Variants in ARHGEF15 observed in about 807,000 individuals in gnomAD.
ARHGEF15 encodes the protein Rho guanine nucleotide exchange factor 15, also known as Rho guanine nucleotide exchange factor (GEF) 15.
ARHGEF15 carries 58 observed loss-of-function variants against 79.7 expected under a neutral mutation model. The ratio of observed to expected loss-of-function variants is 0.73; its 90% CI spans 0.59 to 0.91. The LOEUF is 0.91. ARHGEF15 is among the 40% of genes least tolerant of loss of function. ARHGEF15 has a pLI of 0.00. For missense variants in ARHGEF15, 1,012 were observed against 1,108.1 expected (o/e 0.91, Z 1.23); for synonymous variants, 442 against 456.0 (o/e 0.97, Z 0.39).
chr17:8,315,327 A>G lies in ARHGEF15; in HGVS notation c.1260+50A>G. 6.2e-7 allele frequency: 1 copy of G among 1,610,880 alleles called. No individual in the cohort carries two copies. Among genetic ancestry groups the G allele is most frequent in the Non-Finnish European group, 8.5e-7 (1 of 1,178,222 alleles). On this transcript the variant is annotated intron_variant, in intron 6 of 15. Coordinates refer to ENST00000361926, the MANE Select transcript of ARHGEF15 (RefSeq NM_173728.4). This position sits in a 1 kb window ranked among gnomAD's most constrained non-coding sequence, Gnocchi z 4.3. Reference sequence around the variant, plus strand: ...GAGGGGGGTGCTGGGGTTGGGCTGCATGGGTCAGGCATAGGGGAGGAGGGC... The same window carrying G: ...GAGGGGGGTGCTGGGGTTGGGCTGCGTGGGTCAGGCATAGGGGAGGAGGGC...
chr17:8,319,828 G>A (rs1468020566), intron 15 of ARHGEF15, among the ~76,000 whole-genome samples: 2 of 151,970 alleles, frequency 1.3e-5, no homozygotes, highest in Non-Finnish European at 2.9e-5. Flanking sequence ...TAGAGATGGG[G>A]TTTCACCATG....
At position 8,314,216 on chromosome 17, in the gene ARHGEF15, C is replaced by T. The variant is rs529851149; in HGVS notation, c.989+661C>T. Among the ~76,000 whole-genome samples the T allele has an allele frequency of 1.6e-4, 24 of 152,170 alleles. 1 individual carries two copies. The South Asian group carries it at 3.9e-3, about 25-fold the overall frequency. ...TTGAGCTTCTATTGCAATTATTGTC[C>T]GAAAATCTATTTGGCAATCATGACC... On this transcript the variant is annotated intron_variant, in intron 4 of 15. Transcript: ENST00000361926.
In ARHGEF15 at chr17:8,312,383, G is replaced by A. The variant is rs763386020; in HGVS notation, c.344G>A (p.Arg115Gln). 22 of 1,609,288 alleles carry A rather than the reference G, an allele frequency of 1.4e-5. No homozygotes were observed. Among genetic ancestry groups the A allele is most frequent in the African/African-American group, 2.7e-5 (2 of 74,642 alleles). ...TCCGCCTCCCCAGAACCTGCTCCCC[G>A]GTCTCCAGTCCCCCCACCCAAGCCG... Reference protein sequence around the residue: ...RRSASPEPAPRSPVPPPKPSG... With the variant: ...RRSASPEPAPQSPVPPPKPSG... The change falls in exon 2 of 16, where the codon CGG becomes CAG. Residue 115 changes from arginine to glutamine, a missense_variant. Arg to Gln is a conservative substitution (Grantham distance 43). This residue lies in a region of ARHGEF15 where 818 missense variants were observed against 882.5 expected (regional missense o/e 0.93). Transcript: ENST00000361926.
Position 8,322,344 on chromosome 17 carries a change from C to T in ARHGEF15, c.*1351C>T, listed in dbSNP as rs1296680917. ...GGCCTCCCCTTCAGCTCAGGCACAG[C>T]AACTTGCCCAGGACTGACACTGTCA... On this transcript the variant is annotated 3_prime_UTR_variant, in exon 16 of 16. Transcript: ENST00000361926. 3 of 152,406 alleles carry T rather than the reference C, an allele frequency of 2.0e-5. No individual in the cohort carries two copies. Among genetic ancestry groups the T allele is most frequent in the African/African-American group, 7.2e-5 (3 of 41,478 alleles). The allele number at this position is 152,406 out of a possible 1,614,324, so 9.4% of individuals were successfully genotyped here. A position where few individuals can be genotyped will look rare whatever the true frequency, so the allele number is the denominator to read the frequency against.
rs1904976210 is a variant in ARHGEF15, at chr17:8,315,704, G to A, written c.1422-51G>A. 1 of 1,597,130 alleles carries A rather than the reference G, an allele frequency of 6.3e-7. No homozygotes were observed. The highest frequency in any genetic ancestry group is 8.5e-7 in the Non-Finnish European group (1 of 1,171,322). On this transcript the variant is annotated intron_variant, in intron 7 of 15. Transcript: ENST00000361926. The surrounding 1 kb of genome is among the most constrained non-coding windows in gnomAD (Gnocchi z 4.3). ...CCCAAACCTTCTCTCAAGAACCCGG[G>A]AGACCTGGCTCTCTGCCCCGCCCCA...
At chr17:8,317,965 A>AGGCTGAGGCAGGAGAATCACTTG (rs1264173444) in intron 9 of ARHGEF15, 1 of 155,072 alleles carries the variant, frequency 6.4e-6, no homozygotes, top group Admixed American at 6.3e-5. Context: ...GCTACTTGGG[A>AGGCTGAGGCAGGAGAATCACTTG]GGCTGAGGCA....
Position 8,319,222 on chromosome 17 carries a change from C to T in ARHGEF15, c.2186+63C>T, listed in dbSNP as rs1277343084. 3.1e-6 allele frequency: 5 copies of T among 1,606,150 alleles called. No homozygotes were observed. The Admixed American group carries it at 6.7e-5, about 22-fold the overall frequency. On this transcript the variant is annotated intron_variant, in intron 13 of 15. Transcript: ENST00000361926. ...CTTATCTGACCTCTCAGACCTCCCC[C>T]ACTTCCCCAGTCTCTCTCTTCTGTG...
rs1042482369 is a variant in ARHGEF15 at position 8,315,741 on chromosome 17, C to T, written c.1422-14C>T. On this transcript the variant is annotated splice_polypyrimidine_tract_variant and intron_variant, in intron 7 of 15. Transcript: ENST00000361926. This position sits in a 1 kb window ranked among gnomAD's most constrained non-coding sequence, Gnocchi z 4.3. Reference sequence around the variant, plus strand: ...TCTGCCCCGCCCCATTGCTTGCTTCCCCAATTCCTTCAGGTTTCTAGCAAC... The same window carrying T: ...TCTGCCCCGCCCCATTGCTTGCTTCTCCAATTCCTTCAGGTTTCTAGCAAC... The T allele has an allele frequency of 1.9e-6, 3 of 1,609,312 alleles. No individual in the cohort carries two copies. Among genetic ancestry groups the T allele is most frequent in the Non-Finnish European group, 2.5e-6 (3 of 1,177,626 alleles).
Position 8,316,057 on chromosome 17 carries a change from T to G in ARHGEF15, c.1613T>G (p.Leu538Arg). 6.2e-7 allele frequency: 1 copy of G among 1,603,894 alleles called. No homozygotes were observed. Among genetic ancestry groups the G allele is most frequent in the Non-Finnish European group, 8.5e-7 (1 of 1,179,628 alleles). ...NVRFSAELRR[L>R]QSLPKCERLP... ...CGCTTCTCCGCCGAGCTGCGCCGGC[T>G]GCAGAGCCTCCCTAAGTGTGAGCGG... Residue 538 changes from leucine (L) to arginine (R), a missense_variant, in exon 9 of 16, where the codon CTG becomes CGG. Physicochemically the swap from Leu to Arg is moderately radical, Grantham distance 102. Coordinates refer to ENST00000361926, the MANE Select transcript of ARHGEF15 (RefSeq NM_173728.4).
chr17:8,314,742 C>CA (rs77491661), intron 4 of ARHGEF15, 164 bp from the exon 5 acceptor site: 22,014 of 296,810 alleles, frequency 0.074, 183 homozygotes, highest in East Asian at 0.13. Flanking sequence ...CTTTCCCCTT[C>CA]AAAAAAAAAA....
chr17:8,320,937 A>C lies in ARHGEF15; in HGVS notation c.2470A>C (p.Arg824=), dbSNP rs1199186111. The C allele has an allele frequency of 6.2e-7, 1 of 1,613,952 alleles. No individual in the cohort carries two copies. The highest frequency in any genetic ancestry group is 1.7e-5 in the Admixed American group (1 of 60,014). ...GAGGAGGCACCTTCGCCAGAACCAGAGGCTTCTCGAGGCTGTTGGATCTTC... is the reference window on the plus strand; with the variant it reads ...GAGGAGGCACCTTCGCCAGAACCAGCGGCTTCTCGAGGCTGTTGGATCTTC... ...ERRRHLRQNQ[R]LLEAVGSSSG... Residue 824 remains arginine (R), a synonymous_variant, in exon 16 of 16, where the codon AGG becomes CGG. Transcript: ENST00000361926.
In ARHGEF15 at chr17:8,315,479, C is replaced by A. The variant is rs1423326166; in HGVS notation, c.1326C>A (p.Thr442=). The change falls in exon 7 of 16, where the codon ACC becomes ACA. Residue 442 remains threonine, a synonymous_variant. Transcript: ENST00000361926. This position sits in a 1 kb window ranked among gnomAD's most constrained non-coding sequence, Gnocchi z 4.3. The stretch of plus-strand genomic sequence containing the variant: ...GCTCCCTGCGGCTGCTGACCGACAC[C>A]TTCGTGCTGAGCCAGGCACTCCGGG... ...YLRSLRLLTD[T]FVLSQALRDT... 1 of 1,613,744 alleles carries A rather than the reference C, an allele frequency of 6.2e-7. No homozygotes were observed. The highest frequency in any genetic ancestry group is 2.2e-5 in the East Asian group (1 of 44,878).
Position 8,315,515 on chromosome 17 carries a change from C to G in ARHGEF15, c.1362C>G (p.Thr454=). 1 of 1,612,552 alleles carries G rather than the reference C, an allele frequency of 6.2e-7. No homozygotes were observed. Among genetic ancestry groups the G allele is most frequent in the Non-Finnish European group, 8.5e-7 (1 of 1,180,014 alleles). The change falls in exon 7 of 16, where the codon ACC becomes ACG. Residue 454 remains threonine (T), a synonymous_variant. Coordinates refer to ENST00000361926, the MANE Select transcript of ARHGEF15 (RefSeq NM_173728.4). The surrounding 1 kb of genome is among the most constrained non-coding windows in gnomAD (Gnocchi z 4.3). ...VLSQALRDTL[T]PRDHHTLFSN... is the part of the protein sequence containing the mutation. Reference sequence around the variant, plus strand: ...GCCAGGCACTCCGGGACACGCTCACCCCCCGTGATCACCACACACTCTTCT... The same window carrying G: ...GCCAGGCACTCCGGGACACGCTCACGCCCCGTGATCACCACACACTCTTCT...
Position 8,321,130 on chromosome 17 carries a change from A to C in ARHGEF15, c.*137A>C. 1 of 1,273,858 alleles carries C rather than the reference A, an allele frequency of 7.9e-7. No individual in the cohort carries two copies. Among genetic ancestry groups the C allele is most frequent in the Non-Finnish European group, 1.1e-6 (1 of 924,094 alleles). 78.9% of individuals were successfully genotyped at this position (1,273,858 alleles called of 1,614,324 possible). A position where few individuals can be genotyped will look rare whatever the true frequency, so the allele number is the denominator to read the frequency against. On this transcript the variant is annotated 3_prime_UTR_variant, in exon 16 of 16. Transcript: ENST00000361926. ...GCAACCATAGAGATCGAGCTTCAGG[A>C]CAGAGCAGCCAATGAAAACGGCCGC...
Position 8,318,357 on chromosome 17 carries a change from G to T in ARHGEF15, c.1705-30G>T. 1 of 1,606,046 alleles carries T rather than the reference G, an allele frequency of 6.2e-7. No individual in the cohort carries two copies. The highest frequency in any genetic ancestry group is 8.5e-7 in the Non-Finnish European group (1 of 1,175,256). On this transcript the variant is annotated intron_variant, in intron 9 of 15. Transcript: ENST00000361926. The surrounding 1 kb of genome is among the most constrained non-coding windows in gnomAD (Gnocchi z 5.0). ...TGAATCCCAGGGCCACAGAGCAGGG[G>T]GCCCAGTCACCCTTCCTCCTTGTCC...
rs1224546700 is a variant in ARHGEF15, at chr17:8,322,260, C to A, written c.*1267C>A. The A allele has an allele frequency of 6.6e-6, 1 of 152,338 alleles. No homozygotes were observed. The highest frequency in any genetic ancestry group is 1.5e-5 in the Non-Finnish European group (1 of 68,152). 9.4% of individuals were successfully genotyped at this position (152,338 alleles called of 1,614,324 possible). Reference sequence around the variant, plus strand: ...GTGCCTCGCATGATACCAGAGGAGGCGAGGGACAGAGACAGCAAGGCAGAC... The same window carrying A: ...GTGCCTCGCATGATACCAGAGGAGGAGAGGGACAGAGACAGCAAGGCAGAC... On this transcript the variant is annotated 3_prime_UTR_variant, in exon 16 of 16. Transcript: ENST00000361926.
At position 8,315,250 on chromosome 17, in the gene ARHGEF15, C is replaced by T; in HGVS notation, c.1233C>T (p.Leu411=). ...AAGCCAGCGGTCTTCTGGATACCCT[C>T]AGCCCCCAGGAGAGGCGCATGCAGG... ...AVQASGLLDT[L]SPQERRMQES... The change falls in exon 6 of 16, where the codon CTC becomes CTT. Residue 411 remains leucine, a synonymous_variant. Transcript: ENST00000361926. This position sits in a 1 kb window ranked among gnomAD's most constrained non-coding sequence, Gnocchi z 4.3. The T allele has an allele frequency of 6.2e-7, 1 of 1,613,432 alleles. No homozygotes were observed. The highest frequency in any genetic ancestry group is 8.5e-7 in the Non-Finnish European group (1 of 1,179,906).
At position 8,318,791 on chromosome 17, in the gene ARHGEF15, G is replaced by A; in HGVS notation, c.1914G>A (p.Gln638=). Residue 638 remains glutamine, a synonymous_variant, in exon 12 of 16, where the codon CAG becomes CAA. Coordinates refer to ENST00000361926, the MANE Select transcript of ARHGEF15 (RefSeq NM_173728.4). This position sits in a 1 kb window ranked among gnomAD's most constrained non-coding sequence, Gnocchi z 5.0. ...LVSWSRRLEF[Q]GELTELGCRR... ...CCTGGTCACGGCGCCTGGAATTCCAGGGAGAGCTGACTGAGTTAGGGTGCC... is the reference window on the plus strand; with the variant it reads ...CCTGGTCACGGCGCCTGGAATTCCAAGGAGAGCTGACTGAGTTAGGGTGCC... The A allele has an allele frequency of 6.2e-7, 1 of 1,613,522 alleles. No homozygotes were observed. Among genetic ancestry groups the A allele is most frequent in the Non-Finnish European group, 8.5e-7 (1 of 1,179,984 alleles).
Position 8,318,216 on chromosome 17 carries a change from G to A in ARHGEF15, c.1705-171G>A. On this transcript the variant is annotated intron_variant, in intron 9 of 15. Transcript: ENST00000361926. The surrounding 1 kb of genome is among the most constrained non-coding windows in gnomAD (Gnocchi z 5.0). ...GCCCCATTTTACAGATAGGGAAGCTGAGGCTCAGAGAGGTAACAGGACTTG... is the reference window on the plus strand; with the variant it reads ...GCCCCATTTTACAGATAGGGAAGCTAAGGCTCAGAGAGGTAACAGGACTTG... The A allele has an allele frequency of 1.5e-6, 1 of 654,390 alleles. No homozygotes were observed. The highest frequency in any genetic ancestry group is 2.0e-5 in the South Asian group (1 of 51,008). 40.5% of individuals were successfully genotyped at this position (654,390 alleles called of 1,614,324 possible). A position where few individuals can be genotyped will look rare whatever the true frequency, so the allele number is the denominator to read the frequency against.
Sources: allele counts gnomAD v4.1 joint callset (sites outside exome capture counted in the v4.1 genomes callset), GRCh38; gene constraint gnomAD v4.1.1; regional missense constraint gnomAD v4.1.1; non-coding constraint Gnocchi (gnomAD v3.1); transcripts MANE v1.5; gene names NCBI Gene and HGNC (gene_info 2026-07-23, HGNC 2026-07-21).